RGPD2: variants seen among roughly 807,000 people sequenced by gnomAD.
RGPD2 encodes the protein RANBP2-like and GRIP domain-containing protein 2.
A neutral mutation model predicts 36.0 loss-of-function variants in RGPD2; 2 were observed. That is an observed-to-expected ratio of 0.06 (90% CI 0.02 to 0.17). The LOEUF (loss-of-function observed/expected upper bound fraction) is 0.17, where lower values mean the gene tolerates loss of function less well. Among genes scored for constraint, RGPD2 ranks in the 10% least tolerant of loss-of-function variants. The pLI is 1.00. For missense variants in RGPD2, 40 were observed against 464.3 expected, an observed-to-expected ratio of 0.09 and a Z score of 8.40; for synonymous variants, 19 against 163.8, an observed-to-expected ratio of 0.12 and a Z score of 6.75.
the RGPD2 span, among the ~76,000 whole-genome samples, chr2:87,846,011 C>T: frequency 7.3e-6 from 1 of 136,164 alleles, no homozygotes; most frequent in Admixed American, 7.7e-5. Flanking sequence ...TTTCAAAATA[C>T]TTTTCTTATC....
chr2:87,935,360 A>C, the RGPD2 span, among the ~76,000 whole-genome samples: 91 of 151,278 alleles, frequency 6.0e-4, no homozygotes, highest in Non-Finnish European at 1.1e-3. Context: ...GAAACAGTAG[A>C]GAGAATATTG....
chr2:87,922,067 G>T, the RGPD2 span, among the ~76,000 whole-genome samples: 1 of 151,512 alleles, frequency 6.6e-6, no homozygotes, highest in Non-Finnish European at 1.5e-5. Context: ...GCTGAGGCGG[G>T]CGGATCACAA....
At chr2:87,907,464 G>GAAA in the RGPD2 span, among the ~76,000 whole-genome samples, 1 of 2,012 alleles carries the variant, frequency 5.0e-4, no homozygotes, top group African/African-American at 2.7e-3. Context: ...AAAAAAAAAA[G>GAAA]AATTGTGGGT....
At chr2:87,772,760 C>T (rs1484746130) in intron 21 of RGPD2, among the ~76,000 whole-genome samples, 3 of 144,240 alleles carry the variant, frequency 2.1e-5, no homozygotes, top group African/African-American at 5.1e-5. Flanking sequence ...GATGAGATAA[C>T]GTCAAGACAT....
At chr2:87,938,166 G>C in the RGPD2 span, among the ~76,000 whole-genome samples, 1 of 151,558 alleles carries the variant, frequency 6.6e-6, no homozygotes, top group African/African-American at 2.4e-5. Context: ...TTAAAATGGA[G>C]CTAAAGATTC....
the RGPD2 span, among the ~76,000 whole-genome samples, chr2:87,842,048 T>A: frequency 1.3e-5 from 2 of 151,244 alleles, no homozygotes; most frequent in African/African-American, 4.9e-5. Flanking sequence ...TAGGTATTGA[T>A]GGGATGTATC....
Position 87,792,256 on chromosome 2 carries a change from T to C in RGPD2, c.2285A>G (p.Tyr762Cys). Reference protein sequence around the residue: ...LEDYSEGGPLYKNGSLRNADS... With the variant: ...LEDYSEGGPLCKNGSLRNADS... ...TGCATTTCGCAAAGAACCATTTTTA[T>C]AGAGAGGACCTCCTTCACTATAGTC... The change falls in exon 16 of 23, where the codon TAT becomes TGT. Residue 762 changes from tyrosine (Y) to cysteine (C), a missense_variant. By Grantham distance (194) the Tyr-to-Cys change is radical. Coordinates refer to ENST00000398146, the MANE Select transcript of RGPD2 (RefSeq NM_001078170.3). The C allele has an allele frequency of 2.3e-5, 1 of 43,284 alleles. No homozygotes were observed. Among genetic ancestry groups the C allele is most frequent in the Non-Finnish European group, 3.2e-5 (1 of 31,720 alleles). 2.7% of individuals were successfully genotyped at this position (43,284 alleles called of 1,614,324 possible).
the RGPD2 span, among the ~76,000 whole-genome samples, chr2:87,846,204 A>G: frequency 6.6e-6 from 1 of 151,770 alleles, no homozygotes; most frequent in Non-Finnish European, 1.5e-5. Context: ...ATACCATACA[A>G]TTCACTTATT....
At chr2:87,952,220 A>T in the RGPD2 span, among the ~76,000 whole-genome samples, 2 of 152,200 alleles carry the variant, frequency 1.3e-5, no homozygotes, top group African/African-American at 4.8e-5. Flanking sequence ...TAATTAAAAA[A>T]TTTTTACTAT....
chr2:87,880,216 C>T, the RGPD2 span, among the ~76,000 whole-genome samples: 1 of 152,026 alleles, frequency 6.6e-6, no homozygotes, highest in Non-Finnish European at 1.5e-5. Context: ...ATATTAGCCA[C>T]TTACTGGATA....
chr2:87,978,851 G>A, the RGPD2 span, among the ~76,000 whole-genome samples: 7 of 145,954 alleles, frequency 4.8e-5, no homozygotes, highest in Admixed American at 6.9e-5. Flanking sequence ...CTATGAGTTC[G>A]AGATTACAGC....
the RGPD2 span, among the ~76,000 whole-genome samples, chr2:87,870,286 G>C: frequency 2.0e-5 from 3 of 152,240 alleles, no homozygotes. Context: ...ATGTGCAATC[G>C]AGCCAATCTT....
the RGPD2 span, among the ~76,000 whole-genome samples, chr2:87,961,032 C>T: frequency 7.0e-6 from 1 of 142,240 alleles, no homozygotes; most frequent in African/African-American, 2.7e-5. Flanking sequence ...ACAGATACCT[C>T]AGAGTTACCA....
the RGPD2 span, among the ~76,000 whole-genome samples, chr2:87,876,284 G>C: frequency 1.4e-5 from 2 of 145,204 alleles, no homozygotes; most frequent in African/African-American, 5.2e-5. Flanking sequence ...GTTTGCTCTT[G>C]ATTCTCTAGT....
the RGPD2 span, among the ~76,000 whole-genome samples, chr2:87,834,105 A>AT: frequency 6.4e-5 from 8 of 124,520 alleles, no homozygotes; most frequent in Non-Finnish European, 1.0e-4. Flanking sequence ...AACCAAGTGG[A>AT]TTTTTTACCT....
chr2:87,790,282 TC>T (rs1685655651), intron 17 of RGPD2, among the ~76,000 whole-genome samples: 1 of 47,204 alleles, frequency 2.1e-5, no homozygotes, highest in African/African-American at 8.1e-5. Flanking sequence ...AAATAAAATT[TC>T]CCCCACTCAT....
chr2:87,982,290 C>A, the RGPD2 span, among the ~76,000 whole-genome samples: 6 of 84,676 alleles, frequency 7.1e-5, no homozygotes, highest in African/African-American at 2.2e-4. Flanking sequence ...TCCAGAGGAA[C>A]AATCTGTTTT....
chr2:87,886,065 C>A, the RGPD2 span, among the ~76,000 whole-genome samples: 2 of 151,726 alleles, frequency 1.3e-5, no homozygotes, highest in African/African-American at 4.8e-5. Flanking sequence ...ATTTAAAGAA[C>A]CACCACACCA....
chr2:87,894,527 CTG>C, the RGPD2 span, among the ~76,000 whole-genome samples: 2 of 151,772 alleles, frequency 1.3e-5, no homozygotes, highest in African/African-American at 2.4e-5. Context: ...CTTGAAGATA[CTG>C]TGTTATCTTT....
Sources: allele counts gnomAD v4.1 joint callset (sites outside exome capture counted in the v4.1 genomes callset), GRCh38; gene constraint gnomAD v4.1.1; transcripts MANE v1.5; gene names NCBI Gene and HGNC (gene_info 2026-07-23, HGNC 2026-07-21).